The following ANKS1B variants were observed in gnomAD, a reference collection of about 807,000 sequenced individuals.
ANKS1B encodes ankyrin repeat and sterile alpha motif domain containing 1B, also known as ankyrin repeat and sterile alpha motif domain-containing protein 1B.
Under a neutral mutation model 148.3 loss-of-function variants are expected in ANKS1B, and 36 were observed. The ratio of observed to expected loss-of-function variants is 0.24; its 90% CI spans 0.19 to 0.32. The LOEUF is 0.32. Ranked by LOEUF, ANKS1B falls within the 10% of genes least tolerant of loss-of-function variation. The probability of loss-of-function intolerance (pLI) is 1.00; values close to 1 mark genes in which losing one functional copy is unlikely to be tolerated. For synonymous variants in ANKS1B, 542 were observed against 560.8 expected, an observed-to-expected ratio of 0.97 and a Z score of 0.47; for missense variants, 1,157 against 1,542.6, an observed-to-expected ratio of 0.75 and a Z score of 4.19.
intron 12 of ANKS1B, among the ~76,000 whole-genome samples, chr12:99,341,701 CCAGTCTG>C (rs1480109032): frequency 1.3e-5 from 2 of 152,002 alleles, no homozygotes; most frequent in African/African-American, 4.8e-5. Flanking sequence ...AATCAGTAAG[CCAGTCTG>C]CAGTATCTGG....
intron 17 of ANKS1B, among the ~76,000 whole-genome samples, chr12:98,964,671 G>A (rs140259578): frequency 1.1e-4 from 16 of 152,234 alleles, no homozygotes; most frequent in African/African-American, 3.6e-4. Context: ...GATGGAACAC[G>A]AGGTCATTAT....
chr12:99,392,375 T>G (rs1005026094), intron 12 of ANKS1B, among the ~76,000 whole-genome samples: 23 of 152,258 alleles, frequency 1.5e-4, no homozygotes, highest in African/African-American at 5.3e-4. Context: ...TTCTCTCCTT[T>G]GCAGAAAAGC....
At chr12:99,817,494 T>A (rs1474061939) in intron 2 of ANKS1B, among the ~76,000 whole-genome samples, 1 of 116,978 alleles carries the variant, frequency 8.5e-6, no homozygotes, top group African/African-American at 3.4e-5. Context: ...ATCACTTTGA[T>A]ACCCTGATTT....
intron 1 of ANKS1B, among the ~76,000 whole-genome samples, chr12:99,883,362 C>T (rs2092641211): frequency 1.3e-5 from 2 of 151,742 alleles, no homozygotes; most frequent in Non-Finnish European, 2.9e-5. Flanking sequence ...AAAAAAGAAC[C>T]TCACGCATTA....
chr12:98,792,598 C>G (rs1244515843), intron 22 of ANKS1B, among the ~76,000 whole-genome samples: 2 of 152,112 alleles, frequency 1.3e-5, no homozygotes, highest in Non-Finnish European at 2.9e-5. Flanking sequence ...CTCCCTATTC[C>G]CCTCCTCCTC....
intron 10 of ANKS1B, among the ~76,000 whole-genome samples, chr12:99,479,205 T>C (rs1187222209): frequency 1.3e-5 from 2 of 152,024 alleles, no homozygotes; most frequent in Non-Finnish European, 1.5e-5. Context: ...AATAACTGAA[T>C]TGAACACCAA....
chr12:99,269,065 C>T (rs1197759633), intron 12 of ANKS1B, among the ~76,000 whole-genome samples: 2 of 152,170 alleles, frequency 1.3e-5, no homozygotes, highest in Non-Finnish European at 2.9e-5. Flanking sequence ...ACTTTAAAAT[C>T]AGCTTCCCCT....
At chr12:99,309,667 T>G (rs1001507076) in intron 12 of ANKS1B, among the ~76,000 whole-genome samples, 3 of 152,116 alleles carry the variant, frequency 2.0e-5, no homozygotes, top group African/African-American at 7.2e-5. Flanking sequence ...ATAATGGTGC[T>G]TATACTTTGT....
chr12:99,744,240 T>C (rs2060381240), intron 8 of ANKS1B, among the ~76,000 whole-genome samples: 1 of 152,230 alleles, frequency 6.6e-6, no homozygotes. Context: ...TTCATACTAA[T>C]AGATTAATTT....
chr12:98,871,650 C>T (rs1308751604), intron 17 of ANKS1B, among the ~76,000 whole-genome samples: 1 of 151,740 alleles, frequency 6.6e-6, no homozygotes, highest in Non-Finnish European at 1.5e-5. Context: ...AATTATTTTT[C>T]CATAGAAGAT....
chr12:99,918,749 AC>A (rs1284430351), intron 1 of ANKS1B, among the ~76,000 whole-genome samples: 4 of 152,232 alleles, frequency 2.6e-5, no homozygotes, highest in Non-Finnish European at 5.9e-5. Flanking sequence ...TTAAATCTGA[AC>A]AAGTATTATT....
At chr12:99,316,838 A>C (rs1161795379) in intron 12 of ANKS1B, among the ~76,000 whole-genome samples, 1 of 152,160 alleles carries the variant, frequency 6.6e-6, no homozygotes, top group African/African-American at 2.4e-5. Context: ...TCTTGAATTA[A>C]TTTTTGTATA....
chr12:98,975,614 A>G (rs1424535644), intron 17 of ANKS1B, among the ~76,000 whole-genome samples: 6 of 152,144 alleles, frequency 3.9e-5, no homozygotes, highest in Non-Finnish European at 5.9e-5. Context: ...GAAAAATGCT[A>G]CGAAGGGAAA....
At chr12:99,048,319 A>G (rs1358296669) in intron 17 of ANKS1B, among the ~76,000 whole-genome samples, 1 of 152,202 alleles carries the variant, frequency 6.6e-6, no homozygotes, top group Non-Finnish European at 1.5e-5. Context: ...AATGGCTATA[A>G]TTAGAGAGTT....
intron 12 of ANKS1B, among the ~76,000 whole-genome samples, chr12:99,327,082 GTTATA>G (rs539534846): frequency 1.6e-5 from 2 of 124,328 alleles, no homozygotes; most frequent in South Asian, 2.3e-4. Context: ...ATATATTAAT[GTTATA>G]TTATAATATA....
intron 17 of ANKS1B, among the ~76,000 whole-genome samples, chr12:99,033,833 T>C (rs1329055148): frequency 6.6e-6 from 1 of 152,230 alleles, no homozygotes; most frequent in Non-Finnish European, 1.5e-5. Flanking sequence ...TTAATTATTT[T>C]AGATCCCCCT....
At chr12:99,707,685 A>C (rs2056024670) in intron 8 of ANKS1B, among the ~76,000 whole-genome samples, 1 of 151,008 alleles carries the variant, frequency 6.6e-6, no homozygotes, top group Non-Finnish European at 1.5e-5. Flanking sequence ...ATTGTACAGA[A>C]AGAAAGGGCA....
chr12:99,560,063 C>A (rs2097316608), intron 9 of ANKS1B, among the ~76,000 whole-genome samples: 2 of 152,072 alleles, frequency 1.3e-5, no homozygotes, highest in Non-Finnish European at 2.9e-5. Flanking sequence ...TTTTATAAAA[C>A]AGTATGAAGC....
chr12:99,154,992 T>C lies in ANKS1B; in HGVS notation c.2420-597A>G, dbSNP rs1249223305. ...CACCCATCCAAGCGTCAATCTTGAA[T>C]GATGAGAGCAGTCAAAACAAATGCA... On this transcript the variant is annotated intron_variant, in intron 14 of 26. Coordinates refer to ENST00000683438, the MANE Select transcript of ANKS1B (RefSeq NM_001352186.2). 3.3e-6 allele frequency: 5 copies of C among 1,535,412 alleles called. No homozygotes were observed. The South Asian group carries it at 5.9e-5, about 18-fold the overall frequency.
Sources: gnomAD v4.1 joint callset for allele counts (sites outside exome capture counted in the v4.1 genomes callset) on GRCh38, gnomAD v4.1.1 for gene constraint, MANE v1.5 for transcripts, NCBI Gene and HGNC (gene_info 2026-07-23, HGNC 2026-07-21) for gene names.